Variants in FARP1 observed in about 807,000 individuals in gnomAD.
The protein encoded by FARP1 is FERM, ARH/RhoGEF and pleckstrin domain protein 1.
Under a neutral mutation model 128.8 loss-of-function variants are expected in FARP1, and 52 were observed. The ratio of observed to expected loss-of-function variants is 0.40; its 90% CI spans 0.32 to 0.51. The LOEUF (loss-of-function observed/expected upper bound fraction) is 0.51. FARP1 is among the 20% of genes least tolerant of loss of function. The pLI, the probability that FARP1 is intolerant of heterozygous loss-of-function variation, is 0.45. For missense variants in FARP1, 1,333 were observed against 1,367.9 expected, an observed-to-expected ratio of 0.97 and a Z score of 0.40; for synonymous variants, 580 against 551.8, an observed-to-expected ratio of 1.05 and a Z score of -0.72.
chr13:98,436,212 CAAGTT>C, intron 19 of FARP1: 1 of 219,422 alleles, frequency 4.6e-6, no homozygotes, highest in Non-Finnish European at 9.1e-6. Flanking sequence ...AGGAGAGATG[CAAGTT>C]CACTGACACT....
chr13:98,215,488 A>T (rs1446392371), intron 2 of FARP1, among the ~76,000 whole-genome samples: 1 of 152,224 alleles, frequency 6.6e-6, no homozygotes, highest in African/African-American at 2.4e-5. Flanking sequence ...ACCTGTCTGT[A>T]TCGATAAAAT....
intron 18 of FARP1, chr13:98,434,389 G>C (rs1300961670): frequency 6.6e-6 from 1 of 152,226 alleles, no homozygotes; most frequent in East Asian, 1.9e-4. Context: ...CGCATTCTCT[G>C]ATAAGCCTGG....
At chr13:98,256,829 G>A (rs188474199) in intron 2 of FARP1, among the ~76,000 whole-genome samples, 3,517 of 148,492 alleles carry the variant, frequency 0.024, 126 homozygotes, top group African/African-American at 0.081. Flanking sequence ...CAAAGTGCTG[G>A]GATTACAGGC....
intron 5 of FARP1, among the ~76,000 whole-genome samples, chr13:98,369,444 C>T (rs2139980046): frequency 6.6e-6 from 1 of 150,520 alleles, no homozygotes; most frequent in African/African-American, 2.4e-5. Flanking sequence ...ATACATGTGC[C>T]ATGCTGGTGT....
rs754060644 is a variant in FARP1, at chr13:98,393,731, G to A, written c.1164+13G>A. ...AGTGCTGGAGCAGGTCAGTGATGGC[G>A]CTGTCCTATGATAACTCTGCTTTTC... On this transcript the variant is annotated intron_variant, in intron 12 of 26. Transcript: ENST00000319562. The A allele has an allele frequency of 1.9e-6, 3 of 1,602,570 alleles. No homozygotes were observed. The highest frequency in any genetic ancestry group is 2.2e-5 in the East Asian group (1 of 44,826).
intron 1 of FARP1, among the ~76,000 whole-genome samples, chr13:98,173,252 G>T (rs1326128999): frequency 1.3e-5 from 2 of 152,172 alleles, no homozygotes; most frequent in Non-Finnish European, 2.9e-5. Flanking sequence ...CAAAACAGGA[G>T]AGGAATTTTT....
chr13:98,441,661 A>G (rs940585254), intron 24 of FARP1, among the ~76,000 whole-genome samples: 8 of 152,176 alleles, frequency 5.3e-5, no homozygotes, highest in Admixed American at 3.3e-4. Context: ...GCTCTTACAC[A>G]GAACGGTGGA....
intron 3 of FARP1, among the ~76,000 whole-genome samples, chr13:98,364,628 G>T (rs984125482): frequency 6.6e-6 from 1 of 152,126 alleles, no homozygotes; most frequent in Non-Finnish European, 1.5e-5. Context: ...CCTTTCAAAT[G>T]ACTAGAAATT....
chr13:98,351,767 G>C (rs1888442106), intron 3 of FARP1, among the ~76,000 whole-genome samples: 1 of 152,062 alleles, frequency 6.6e-6, no homozygotes, highest in African/African-American at 2.4e-5. Flanking sequence ...AGAGCAATTG[G>C]GGGTGGGGAG....
Position 98,439,289 on chromosome 13 carries a change from G to A in FARP1, c.2433+93G>A. 4.9e-6 allele frequency: 4 copies of A among 824,210 alleles called. No homozygotes were observed. The South Asian group carries it at 6.7e-5, about 14-fold the overall frequency. 51.1% of individuals were successfully genotyped at this position (824,210 alleles called of 1,614,324 possible). ...CGGCGATGAGGAGGGAAGGAGACTG[G>A]ATAGGGAGGGAGAGGGTGGCTAGTG... On this transcript the variant is annotated intron_variant, in intron 21 of 26. Coordinates refer to ENST00000319562, the MANE Select transcript of FARP1 (RefSeq NM_005766.4).
At chr13:98,345,194 G>A (rs1218036556) in intron 3 of FARP1, among the ~76,000 whole-genome samples, 2 of 152,234 alleles carry the variant, frequency 1.3e-5, no homozygotes, top group South Asian at 2.1e-4. Context: ...TAACAACCCC[G>A]TTCTGTGCCT....
chr13:98,385,693 T>G lies in FARP1; in HGVS notation c.638T>G (p.Phe213Cys). ...GGACAAACACCAGCAGAATCAGATT[T>G]CCAGCTCCTAGAGATTGCCCGTCGG... ...HIGQTPAESD[F>C]QLLEIARRLE... Residue 213 changes from phenylalanine (F) to cysteine (C), a missense_variant, in exon 8 of 27, where the codon TTC becomes TGC. By Grantham distance (205) the Phe-to-Cys change is radical. Around this residue, in one of 2 missense-constraint regions of FARP1, gnomAD observed 324 missense variants for 398.1 expected, o/e 0.81. Coordinates refer to ENST00000319562, the MANE Select transcript of FARP1 (RefSeq NM_005766.4). 6.2e-7 allele frequency: 1 copy of G among 1,614,266 alleles called. No individual in the cohort carries two copies. The highest frequency in any genetic ancestry group is 8.5e-7 in the Non-Finnish European group (1 of 1,180,046).
intron 1 of FARP1, among the ~76,000 whole-genome samples, chr13:98,168,279 C>T (rs1399310991): frequency 6.6e-6 from 1 of 152,176 alleles, no homozygotes; most frequent in African/African-American, 2.4e-5. Flanking sequence ...CTTTGTGGCT[C>T]ATGTATATAC....
At chr13:98,208,297 C>T (rs1880418988) in intron 1 of FARP1, among the ~76,000 whole-genome samples, 1 of 145,068 alleles carries the variant, frequency 6.9e-6, no homozygotes, top group South Asian at 2.2e-4. Context: ...CATGGTGAAA[C>T]CCCATCTCTA....
chr13:98,251,905 T>C (rs1245194724), intron 2 of FARP1, among the ~76,000 whole-genome samples: 4 of 152,220 alleles, frequency 2.6e-5, no homozygotes, highest in Non-Finnish European at 5.9e-5. Flanking sequence ...GGGTGTGCAG[T>C]GACGCAATCT....
intron 7 of FARP1, among the ~76,000 whole-genome samples, chr13:98,385,395 C>G (rs1257638304): frequency 6.7e-6 from 1 of 150,010 alleles, no homozygotes; most frequent in Non-Finnish European, 1.5e-5. Context: ...TTAAAGGAAA[C>G]TCTTTGAGAT....
chr13:98,277,109 T>TACACACACACACACACACACACACACAC lies in FARP1; in HGVS notation c.171+63709_171+63736dup, dbSNP rs368911842. Among the ~76,000 whole-genome samples, 493 of 118,166 alleles carry TACACACACACACACACACACACACACAC rather than the reference T, an allele frequency of 4.2e-3. 7 individuals carry two copies. The highest frequency in any genetic ancestry group is 0.01 in the Middle Eastern group (2 of 192). 77.5% of individuals were successfully genotyped at this position (118,166 alleles called of 152,430 possible). ...AGCTCTTGGATCTGCTCTAGAAAAA[T>TACACACACACACACACACACACACACAC]ACACACACACACACACACACACACA... is the stretch of plus-strand genomic sequence containing the variant. On this transcript the variant is annotated intron_variant, in intron 2 of 26. Coordinates refer to ENST00000319562, the MANE Select transcript of FARP1 (RefSeq NM_005766.4).
intron 5 of FARP1, among the ~76,000 whole-genome samples, chr13:98,371,423 C>G (rs759227180): frequency 2.0e-5 from 3 of 152,152 alleles, no homozygotes; most frequent in Non-Finnish European, 4.4e-5. Context: ...TAAAGTTACA[C>G]GAGCTCAGCT....
At chr13:98,382,060 T>C (rs9584827) in intron 6 of FARP1, among the ~76,000 whole-genome samples, 16,878 of 150,706 alleles carry the variant, frequency 0.11, 2,866 homozygotes, top group African/African-American at 0.37. Flanking sequence ...CTGTCTCTAC[T>C]CAAAATAAAA....
Sources: allele counts gnomAD v4.1 joint callset (sites outside exome capture counted in the v4.1 genomes callset), GRCh38; gene constraint gnomAD v4.1.1; regional missense constraint gnomAD v4.1.1; transcripts MANE v1.5; gene names NCBI Gene and HGNC (gene_info 2026-07-23, HGNC 2026-07-21).